SNTG2: variants seen among roughly 807,000 people sequenced by gnomAD.
The protein encoded by SNTG2 is gamma-2-syntrophin.
Under a neutral mutation model 70.9 loss-of-function variants are expected in SNTG2, and 74 were observed. The ratio of observed to expected loss-of-function variants is 1.04; its 90% CI spans 0.86 to 1.27. The LOEUF (loss-of-function observed/expected upper bound fraction) is 1.27, where lower values mean the gene tolerates loss of function less well. Ranked by LOEUF, SNTG2 falls within the 50% of genes most tolerant of loss-of-function variation. SNTG2 has a pLI of 0.00. For synonymous variants in SNTG2, 278 were observed against 273.8 expected, an observed-to-expected ratio of 1.02 and a Z score of -0.15; for missense variants, 717 against 690.7, an observed-to-expected ratio of 1.04 and a Z score of -0.43.
intron 2 of SNTG2, among the ~76,000 whole-genome samples, chr2:1,087,278 A>T (rs1395769092): frequency 6.6e-6 from 1 of 152,148 alleles, no homozygotes; most frequent in Non-Finnish European, 1.5e-5. Flanking sequence ...AAGAGTTTGG[A>T]GGGCTTTCCT....
chr2:1,137,660 C>T lies in SNTG2; in HGVS notation c.364C>T (p.Leu122Phe). The T allele has an allele frequency of 6.2e-7, 1 of 1,613,298 alleles. No individual in the cohort carries two copies. The highest frequency in any genetic ancestry group is 8.5e-7 in the Non-Finnish European group (1 of 1,179,700). Residue 122 changes from leucine (L) to phenylalanine (F), a missense_variant, in exon 5 of 17, where the codon CTC becomes TTC. Physicochemically the swap from Leu to Phe is conservative, Grantham distance 22 (BLOSUM62 0). Transcript: ENST00000308624. ...GATGTTGTTCGTAGGAGATGCTGTT[C>T]TCCAGGTCAGTATTGTACACGTTAA... is the stretch of plus-strand genomic sequence containing the variant. ...TGMLFVGDAV[L>F]QVNGIHVENA...
At chr2:1,067,893 G>A (rs2148128753) in intron 1 of SNTG2, among the ~76,000 whole-genome samples, 1 of 152,280 alleles carries the variant, frequency 6.6e-6, no homozygotes, top group East Asian at 1.9e-4. Context: ...TCCCCGGGAG[G>A]AAGTGCAGGC....
At chr2:991,743 C>T (rs1661501203) in intron 1 of SNTG2, among the ~76,000 whole-genome samples, 1 of 152,274 alleles carries the variant, frequency 6.6e-6, no homozygotes, top group Middle Eastern at 3.4e-3. Flanking sequence ...TTCAGGTTTC[C>T]CAGGAATGAG....
intron 6 of SNTG2, among the ~76,000 whole-genome samples, chr2:1,158,001 G>A (rs1387684966): frequency 6.6e-6 from 1 of 152,210 alleles, no homozygotes; most frequent in Non-Finnish European, 1.5e-5. Context: ...CGGCCGGCAG[G>A]TTTGGTACGG....
In SNTG2 at chr2:1,075,458, A is replaced by T. The variant is rs113274771; in HGVS notation, c.73-8060A>T. ...ATTTTTCCAATGGAAAGTGTTTGTC[A>T]TTGTTCATTGGAAGAAAATGTGGAA... On this transcript the variant is annotated intron_variant, in intron 1 of 16. Coordinates refer to ENST00000308624, the MANE Select transcript of SNTG2 (RefSeq NM_018968.4). 9.8e-3 allele frequency among the ~76,000 whole-genome samples: 1,488 copies of T among 152,266 alleles called. 10 individuals carry two copies. Among genetic ancestry groups the T allele is most frequent in the Non-Finnish European group, 0.017 (1,179 of 68,016 alleles).
At chr2:1,050,092 A>G (rs1356925522) in intron 1 of SNTG2, among the ~76,000 whole-genome samples, 1 of 152,050 alleles carries the variant, frequency 6.6e-6, no homozygotes, top group Non-Finnish European at 1.5e-5. Context: ...TTTACATGTT[A>G]TATGTATGAG....
In SNTG2 at chr2:1,209,092, C is replaced by G. The variant is rs1409063053; in HGVS notation, c.592-11C>G. The G allele has an allele frequency of 1.2e-6, 2 of 1,613,744 alleles. No homozygotes were observed. The highest frequency in any genetic ancestry group is 2.2e-5 in the East Asian group (1 of 44,872). On this transcript the variant is annotated splice_polypyrimidine_tract_variant and intron_variant, in intron 8 of 16. Transcript: ENST00000308624. ...CCTCTGTGACGCTTCATTCTCCTTT[C>G]TTCTGTACAGGCCCCATCGTCACCT...
chr2:1,191,174 G>T (rs1672570459), intron 8 of SNTG2, among the ~76,000 whole-genome samples: 1 of 152,128 alleles, frequency 6.6e-6, no homozygotes, highest in Admixed American at 6.5e-5. Context: ...TTTTACATTT[G>T]TAAAATTTGC....
intron 4 of SNTG2, among the ~76,000 whole-genome samples, chr2:1,120,464 G>A (rs1319168449): frequency 6.6e-6 from 1 of 152,128 alleles, no homozygotes. Flanking sequence ...TAGTGGTGAA[G>A]TAGACTGAAA....
chr2:1,145,702 A>G (rs1277140571), intron 6 of SNTG2, among the ~76,000 whole-genome samples: 2 of 152,246 alleles, frequency 1.3e-5, no homozygotes, highest in Non-Finnish European at 2.9e-5. Flanking sequence ...AGTGCATTCC[A>G]TGAGGCCAGC....
chr2:1,179,668 T>G (rs1440550741), intron 8 of SNTG2, among the ~76,000 whole-genome samples: 1 of 151,856 alleles, frequency 6.6e-6, no homozygotes, highest in Non-Finnish European at 1.5e-5. Context: ...TTCAGTGCCA[T>G]CCCCATGAAG....
intron 4 of SNTG2, among the ~76,000 whole-genome samples, chr2:1,115,093 G>A (rs1666856411): frequency 6.6e-6 from 1 of 152,024 alleles, no homozygotes; most frequent in Non-Finnish European, 1.5e-5. Context: ...AACCCTTACA[G>A]TCCTTTGAGG....
At chr2:1,235,519 T>TTA (rs1676579441) in intron 9 of SNTG2, among the ~76,000 whole-genome samples, 1 of 56,250 alleles carries the variant, frequency 1.8e-5, no homozygotes, top group Non-Finnish European at 3.4e-5. Context: ...GGGGGGCCCC[T>TTA]GCCCCACGCT....
chr2:978,984 T>C (rs1291595248), intron 1 of SNTG2, among the ~76,000 whole-genome samples: 1 of 152,276 alleles, frequency 6.6e-6, no homozygotes, highest in Non-Finnish European at 1.5e-5. Flanking sequence ...GCAGGCTCCC[T>C]GCGTTGAGGA....
chr2:1,326,991 T>G (rs9677346), intron 16 of SNTG2, among the ~76,000 whole-genome samples: 23,858 of 151,976 alleles, frequency 0.16, 1,970 homozygotes, highest in Admixed American at 0.21. Flanking sequence ...TTTCTTGAAA[T>G]CTTCCTTACA....
chr2:1,290,244 G>T (rs1342825792), intron 14 of SNTG2, among the ~76,000 whole-genome samples: 1 of 152,056 alleles, frequency 6.6e-6, no homozygotes, highest in Non-Finnish European at 1.5e-5. Context: ...ATGGCAGAAG[G>T]CAAAAGGGAA....
chr2:1,190,172 G>C (rs1558510810), intron 8 of SNTG2, among the ~76,000 whole-genome samples: 2 of 151,910 alleles, frequency 1.3e-5, no homozygotes, highest in Non-Finnish European at 2.9e-5. Context: ...TCATCCCTTG[G>C]TTTCCACAGG....
intron 16 of SNTG2, among the ~76,000 whole-genome samples, chr2:1,335,627 C>G (rs1373499238): frequency 2.0e-5 from 3 of 152,102 alleles, no homozygotes; most frequent in Non-Finnish European, 2.9e-5. Context: ...TGGAGTCCTA[C>G]GAGTGAATTC....
At chr2:1,266,655 A>T (rs1387593573) in intron 13 of SNTG2, among the ~76,000 whole-genome samples, 1 of 151,620 alleles carries the variant, frequency 6.6e-6, no homozygotes, top group Non-Finnish European at 1.5e-5. Flanking sequence ...TCGGAGGCGC[A>T]GGGGGCACGC....
Sources: gnomAD v4.1 joint callset for allele counts (sites outside exome capture counted in the v4.1 genomes callset) on GRCh38, gnomAD v4.1.1 for gene constraint, MANE v1.5 for transcripts, NCBI Gene and HGNC (gene_info 2026-07-23, HGNC 2026-07-21) for gene names.